Variants in PPP2R1B observed in about 807,000 individuals in gnomAD.
PPP2R1B encodes protein phosphatase 2 scaffold subunit Abeta.
A neutral mutation model predicts 72.7 loss-of-function variants in PPP2R1B; 58 were observed. The ratio of observed to expected loss-of-function variants is 0.80; its 90% CI spans 0.65 to 0.99. The LOEUF (loss-of-function observed/expected upper bound fraction) is 0.99. PPP2R1B is among the 50% of genes least tolerant of loss of function. PPP2R1B has a pLI of 0.00. For missense variants in PPP2R1B, 695 were observed against 733.6 expected, an observed-to-expected ratio of 0.95 and a Z score of 0.61; for synonymous variants, 256 against 264.6, an observed-to-expected ratio of 0.97 and a Z score of 0.32.
At position 111,737,947 on chromosome 11, in the gene PPP2R1B, G is replaced by A. The variant is rs1944387570; in HGVS notation, c.*3649C>T. The A allele has an allele frequency of 9.7e-7, 1 of 1,035,428 alleles. No individual in the cohort carries two copies. The highest frequency in any genetic ancestry group is 4.9e-5 in the Admixed American group (1 of 20,442). 64.1% of individuals were successfully genotyped at this position (1,035,428 alleles called of 1,614,324 possible). A position where few individuals can be genotyped will look rare whatever the true frequency, so the allele number is the denominator to read the frequency against. ...ATGGCTTGGCTTTCCGACGCAATGA[G>A]TAATTAAACTCTATTCGTCCTCCGG... On this transcript the variant is annotated 3_prime_UTR_variant, in exon 15 of 15. Transcript: ENST00000527614.
intron 15 of PPP2R1B, chr11:111,730,724 T>TA (rs753616802): frequency 2.0e-5 from 3 of 152,196 alleles, no homozygotes; most frequent in Non-Finnish European, 4.4e-5. Flanking sequence ...GAAAATTGCC[T>TA]AAAATGCAGT....
chr11:111,741,874 T>C, intron 14 of PPP2R1B, 179 bp downstream of exon 14: 2 of 742,246 alleles, frequency 2.7e-6, no homozygotes, highest in South Asian at 3.2e-5. Context: ...TGCTCACTTA[T>C]GAGAAAATGG....
chr11:111,757,170 CT>C (rs1591704963), intron 5 of PPP2R1B, among the ~76,000 whole-genome samples: 1 of 150,868 alleles, frequency 6.6e-6, no homozygotes, highest in East Asian at 1.9e-4. Context: ...GAAATTGAGA[CT>C]GTAGATTTGT....
chr11:111,732,414 G>C (rs1051221760), intron 15 of PPP2R1B, among the ~76,000 whole-genome samples: 1 of 152,240 alleles, frequency 6.6e-6, no homozygotes, highest in African/African-American at 2.4e-5. Context: ...TTCTTGGCCA[G>C]GTGCTGTGGC....
intron 13 of PPP2R1B, 54 bp from the exon 14 acceptor site, chr11:111,742,198 CTT>C (rs1446591214): frequency 1.4e-6 from 2 of 1,379,430 alleles, no homozygotes; most frequent in African/African-American, 2.9e-5. Flanking sequence ...CATAGAAATC[CTT>C]TTTGGTGTAT....
intron 13 of PPP2R1B, 167 bp downstream of exon 13, chr11:111,742,356 A>T: frequency 2.4e-6 from 2 of 825,336 alleles, no homozygotes; most frequent in Non-Finnish European, 3.6e-6. Flanking sequence ...TAAATATAAA[A>T]GTCATAGTGG....
chr11:111,764,392 G>A (rs1945440614), intron 3 of PPP2R1B, among the ~76,000 whole-genome samples: 1 of 152,012 alleles, frequency 6.6e-6, no homozygotes, highest in South Asian at 2.1e-4. Flanking sequence ...TGATGTGTCT[G>A]ATAAAGTAGA....
At chr11:111,696,797 G>C in the PPP2R1B span, among the ~76,000 whole-genome samples, 1 of 152,230 alleles carries the variant, frequency 6.6e-6, no homozygotes, top group African/African-American at 2.4e-5. Flanking sequence ...AGGAATGAAT[G>C]AATGTGGTTA....
At chr11:111,688,598 A>G in the PPP2R1B span, among the ~76,000 whole-genome samples, 6 of 152,262 alleles carry the variant, frequency 3.9e-5, no homozygotes, top group Non-Finnish European at 8.8e-5. The surrounding 1 kb of genome is among the most constrained non-coding windows in gnomAD (Gnocchi z 4.2). Context: ...TAGTTGAGAC[A>G]GAAAAGCACC....
At chr11:111,737,572 A>G, downstream of PPP2R1B, 2 of 1,614,226 alleles carry the variant, frequency 1.2e-6, no homozygotes, top group Non-Finnish European at 1.7e-6. Context: ...TGCCACCACT[A>G]GAGACACAGA....
chr11:111,760,969 T>G lies in PPP2R1B; in HGVS notation c.389A>C (p.Glu130Ala). Residue 130 changes from glutamate (E) to alanine (A), a missense_variant, in exon 4 of 15, where the codon GAG becomes GCG. Glu to Ala is a moderately radical substitution (Grantham distance 107). Coordinates refer to ENST00000527614, the MANE Select transcript of PPP2R1B (RefSeq NM_002716.5). Reference protein sequence around the residue: ...AVESLRQISQEHTPVALEAYF... With the variant: ...AVESLRQISQAHTPVALEAYF... ...AGCTTCCAGAGCAACAGGAGTATGC[T>G]CCTGGGAGATCTGTCTCAGGGACTC... 2 of 1,614,206 alleles carry G rather than the reference T, an allele frequency of 1.2e-6. No homozygotes were observed. The highest frequency in any genetic ancestry group is 1.6e-4 in the Middle Eastern group (1 of 6,062).
chr11:111,713,471 T>C, the PPP2R1B span, among the ~76,000 whole-genome samples: 2 of 152,166 alleles, frequency 1.3e-5, no homozygotes, highest in Non-Finnish European at 2.9e-5. Context: ...TATGAGACTA[T>C]TATGAGGATT....
chr11:111,706,345 G>A, the PPP2R1B span, among the ~76,000 whole-genome samples: 2 of 152,188 alleles, frequency 1.3e-5, no homozygotes, highest in African/African-American at 4.8e-5. Context: ...CATTAACTCA[G>A]TTGCTCAGGA....
the PPP2R1B span, chr11:111,721,763 C>A: frequency 8.0e-7 from 1 of 1,252,054 alleles, no homozygotes; most frequent in South Asian, 1.5e-5. Context: ...AAAGGTGCTT[C>A]AGCTAAGAAC....
intron 15 of PPP2R1B, chr11:111,727,066 C>A (rs560157344): frequency 6.2e-7 from 1 of 1,612,098 alleles, no homozygotes; most frequent in Non-Finnish European, 8.5e-7. Flanking sequence ...CCCTGTAAGG[C>A]AAACAGCATG....
intron 12 of PPP2R1B, 93 bp downstream of exon 12, chr11:111,743,283 A>C: frequency 7.9e-7 from 1 of 1,258,542 alleles, no homozygotes; most frequent in Non-Finnish European, 1.1e-6. Flanking sequence ...CATATATTCC[A>C]AATAGAAGAC....
chr11:111,721,982 C>T, downstream of PPP2R1B: 2 of 1,447,296 alleles, frequency 1.4e-6, no homozygotes, highest in East Asian at 2.3e-5. Flanking sequence ...TCTGCTCATC[C>T]AGAATCTGTT....
intron 9 of PPP2R1B, among the ~76,000 whole-genome samples, 197 bp from the exon 10 acceptor site, chr11:111,752,529 G>A (rs1394878364): frequency 3.3e-5 from 5 of 152,162 alleles, no homozygotes; most frequent in East Asian, 1.9e-4. Flanking sequence ...TTAAAAGTCC[G>A]TAATACTAAA....
intron 11 of PPP2R1B, among the ~76,000 whole-genome samples, 157 bp from the exon 12 acceptor site, chr11:111,743,687 C>G (rs1438188419): frequency 1.3e-5 from 2 of 152,166 alleles, no homozygotes; most frequent in African/African-American, 4.8e-5. Context: ...ATGCTCAGCT[C>G]CAACTCAGTT....
Sources: allele counts gnomAD v4.1 joint callset (sites outside exome capture counted in the v4.1 genomes callset), GRCh38; gene constraint gnomAD v4.1.1; non-coding constraint Gnocchi (gnomAD v3.1); transcripts MANE v1.5; gene names NCBI Gene and HGNC (gene_info 2026-07-23, HGNC 2026-07-21).